CASZ1: variants seen among roughly 807,000 people sequenced by gnomAD.
CASZ1 encodes castor zinc finger 1.
A neutral mutation model predicts 135.2 loss-of-function variants in CASZ1; 28 were observed. The ratio of observed to expected loss-of-function variants is 0.21; its 90% CI spans 0.15 to 0.28. The LOEUF is 0.28. CASZ1 is among the 10% of genes least tolerant of loss of function. CASZ1 has a pLI of 1.00. For synonymous variants in CASZ1, 1,068 were observed against 1,073.4 expected (o/e 0.99, Z 0.10); for missense variants, 2,161 against 2,453.3 (o/e 0.88, Z 2.52).
At chr1:10,734,437 A>C (rs958323199) in intron 2 of CASZ1, among the ~76,000 whole-genome samples, 1 of 152,194 alleles carries the variant, frequency 6.6e-6, no homozygotes, top group African/African-American at 2.4e-5. Flanking sequence ...CCACCTGCTA[A>C]CAGTAATTAT....
intron 2 of CASZ1, among the ~76,000 whole-genome samples, chr1:10,714,976 C>T (rs1639350996): frequency 6.6e-6 from 1 of 152,232 alleles, no homozygotes; most frequent in Non-Finnish European, 1.5e-5. Context: ...TGAGACCCAC[C>T]TGCCGCCGCT....
chr1:10,771,822 C>A (rs1037144933), intron 1 of CASZ1, among the ~76,000 whole-genome samples: 3 of 152,084 alleles, frequency 2.0e-5, no homozygotes, highest in Non-Finnish European at 4.4e-5. Context: ...ATGCTGGCAC[C>A]CAGGACTCCC....
chr1:10,677,332 G>A (rs1638256310), intron 4 of CASZ1, among the ~76,000 whole-genome samples: 1 of 152,216 alleles, frequency 6.6e-6, no homozygotes. Flanking sequence ...ATTGACAGAG[G>A]GCAAGGCAGA....
intron 2 of CASZ1, among the ~76,000 whole-genome samples, chr1:10,738,749 C>G (rs1306779737): frequency 6.6e-6 from 1 of 152,178 alleles, no homozygotes; most frequent in Non-Finnish European, 1.5e-5. Context: ...AGGCCTGTGC[C>G]TTTAAAAGAA....
chr1:10,656,913 A>C (rs896644316), intron 7 of CASZ1, among the ~76,000 whole-genome samples, 177 bp from the exon 8 acceptor site: 6 of 152,150 alleles, frequency 3.9e-5, no homozygotes, highest in Non-Finnish European at 8.8e-5. Context: ...CCATTGAGGC[A>C]AAGAGGCCTG....
At chr1:10,771,860 T>C (rs1640583058) in intron 1 of CASZ1, among the ~76,000 whole-genome samples, 2 of 152,086 alleles carry the variant, frequency 1.3e-5, no homozygotes, top group Non-Finnish European at 2.9e-5. Flanking sequence ...GCCTTGATGG[T>C]GAGGATGCTG....
rs146204546 is a variant in CASZ1, at chr1:10,734,767, C to T, written c.-77+25934G>A. On this transcript the variant is annotated intron_variant, in intron 2 of 20. Transcript: ENST00000377022. Reference sequence around the variant, plus strand: ...ATGTGGTTTTCTCTCTTTCTCTAACCGGAGCACCACAATGTTTGGGGGTGG... The same window carrying T: ...ATGTGGTTTTCTCTCTTTCTCTAACTGGAGCACCACAATGTTTGGGGGTGG... Among the ~76,000 whole-genome samples the T allele has an allele frequency of 1.4e-4, 21 of 152,238 alleles. No homozygotes were observed. In the East Asian group the frequency reaches 3.3e-3, roughly 24 times the overall value.
intron 3 of CASZ1, among the ~76,000 whole-genome samples, chr1:10,702,884 G>A (rs181574398): frequency 1.6e-4 from 25 of 152,166 alleles, no homozygotes; most frequent in African/African-American, 6.0e-4. Context: ...TACGCTGAAA[G>A]GTTAATGCAA....
At chr1:10,792,334 C>A (rs1640974541) in intron 1 of CASZ1, among the ~76,000 whole-genome samples, 2 of 42,074 alleles carry the variant, frequency 4.8e-5, no homozygotes, top group African/African-American at 1.5e-4. Context: ...CCCGCCCCCC[C>A]CCCCCCGGCC....
At chr1:10,763,334 C>G (rs1640414116) in intron 1 of CASZ1, among the ~76,000 whole-genome samples, 2 of 152,224 alleles carry the variant, frequency 1.3e-5, no homozygotes, top group Admixed American at 1.3e-4. Flanking sequence ...AGTCCCACTT[C>G]TGTCCCCGAA....
rs1318146053 is a variant in CASZ1, at chr1:10,756,207, C to T, written c.-77+4494G>A. ...GCCAGCCTGCACTTCTGCTCTCTCC[C>T]GTTGCTGCCTCTGGAGGTCAGGCCT... On this transcript the variant is annotated intron_variant, in intron 2 of 20. Coordinates refer to ENST00000377022, the MANE Select transcript of CASZ1 (RefSeq NM_001079843.3). This position sits in a 1 kb window ranked among gnomAD's most constrained non-coding sequence, Gnocchi z 5.9. 2.0e-5 allele frequency among the ~76,000 whole-genome samples: 3 copies of T among 152,160 alleles called. No homozygotes were observed. The highest frequency in any genetic ancestry group is 1.9e-4 in the East Asian group (1 of 5,166).
chr1:10,716,100 C>T (rs1639387217), intron 2 of CASZ1, among the ~76,000 whole-genome samples: 1 of 144,970 alleles, frequency 6.9e-6, no homozygotes, highest in Non-Finnish European at 1.5e-5. Flanking sequence ...CCAATCCACA[C>T]CCACAGCACC....
At chr1:10,661,012 C>G in intron 5 of CASZ1, 1 of 185,898 alleles carries the variant, frequency 5.4e-6, no homozygotes, top group South Asian at 1.0e-4. Context: ...TGGCCGGGGT[C>G]GGGGTGGGCC....
chr1:10,719,693 C>T lies in CASZ1; in HGVS notation c.-76-14149G>A, dbSNP rs58867552. On this transcript the variant is annotated intron_variant, in intron 2 of 20. Transcript: ENST00000377022. The surrounding 1 kb of genome is among the most constrained non-coding windows in gnomAD (Gnocchi z 4.0). ...TCAGGTACTGCCCAATCCTGAAGCC[C>T]GTGGGTCCCAGAGCCTGGCACAGTG... 5.5e-3 allele frequency among the ~76,000 whole-genome samples: 839 copies of T among 152,274 alleles called. 8 individuals carry two copies. The highest frequency in any genetic ancestry group is 0.019 in the African/African-American group (789 of 41,542).
At chr1:10,654,794 G>A (rs1401496372) in intron 9 of CASZ1, among the ~76,000 whole-genome samples, 1 of 152,348 alleles carries the variant, frequency 6.6e-6, no homozygotes, top group Non-Finnish European at 1.5e-5. Context: ...TCCACAGAGG[G>A]ACCAAGTGCT....
chr1:10,760,954 C>A (rs1427294957), intron 1 of CASZ1, 97 bp from the exon 2 acceptor site: 1 of 152,292 alleles, frequency 6.6e-6, no homozygotes, highest in African/African-American at 2.4e-5. Flanking sequence ...AAGGTTCCCA[C>A]ACCTTGTGTG....
At position 10,768,952 on chromosome 1, in the gene CASZ1, C is replaced by T. The variant is rs1409582804; in HGVS notation, c.-233-8095G>A. On this transcript the variant is annotated intron_variant, in intron 1 of 20. Transcript: ENST00000377022. ...GGCCAGGAGTTCGAGACGAGCCTGT[C>T]CAACATGGTGAAACCCCGTCTCTAC... Among the ~76,000 whole-genome samples, 5 of 152,162 alleles carry T rather than the reference C, an allele frequency of 3.3e-5. 1 individual carries two copies. The East Asian group carries it at 9.6e-4, about 29-fold the overall frequency.
At chr1:10,765,665 G>A (rs180880986) in intron 1 of CASZ1, among the ~76,000 whole-genome samples, 1 of 152,230 alleles carries the variant, frequency 6.6e-6, no homozygotes, top group Admixed American at 6.5e-5. Flanking sequence ...CCTGAACCTG[G>A]GACCCTTTAG....
At chr1:10,673,042 A>T (rs1442101838) in intron 4 of CASZ1, among the ~76,000 whole-genome samples, 1 of 151,266 alleles carries the variant, frequency 6.6e-6, no homozygotes, top group African/African-American at 2.4e-5. Context: ...GTTGGGGTGC[A>T]GTGGCGAGTG....
Sources: gnomAD v4.1 joint callset for allele counts (sites outside exome capture counted in the v4.1 genomes callset) on GRCh38, gnomAD v4.1.1 for gene constraint, Gnocchi (gnomAD v3.1) non-coding constraint, MANE v1.5 for transcripts, NCBI Gene and HGNC (gene_info 2026-07-23, HGNC 2026-07-21) for gene names.